The following GPC3 variants were observed in gnomAD, a reference collection of about 807,000 sequenced individuals.
The protein encoded by GPC3 is glypican-3.
GPC3 carries 3 observed loss-of-function variants against 34.4 expected under a neutral mutation model. The observed-to-expected ratio is 0.09, with a 90% CI of 0.04 to 0.23. The LOEUF (loss-of-function observed/expected upper bound fraction) is 0.23, where lower values mean the gene tolerates loss of function less well. Among genes scored for constraint, GPC3 ranks in the 10% least tolerant of loss-of-function variants. The pLI, the probability that GPC3 is intolerant of heterozygous loss-of-function variation, is 1.00. For missense variants in GPC3, 351 were observed against 445.6 expected (o/e 0.79, Z 1.91); for synonymous variants, 177 against 174.0 (o/e 1.02, Z -0.13).
intron 2 of GPC3, among the ~76,000 whole-genome samples, chrX:133,756,451 A>G (rs1603241240): frequency 1.8e-5 from 2 of 112,295 alleles, no homozygotes; most frequent in South Asian, 7.4e-4. Context: ...GTGCAGAATG[A>G]AGAGAAGGGA....
intron 6 of GPC3, among the ~76,000 whole-genome samples, chrX:133,627,157 C>A (rs1166678591): frequency 1.5e-4 from 11 of 71,614 alleles, no homozygotes; most frequent in African/African-American, 4.7e-4. Context: ...CACACTGAGG[C>A]CTGTCGCAGG....
intron 2 of GPC3, among the ~76,000 whole-genome samples, chrX:133,948,306 G>C (rs1424782973): frequency 9.0e-6 from 1 of 110,769 alleles, no homozygotes; most frequent in Non-Finnish European, 1.9e-5. Flanking sequence ...TTCTAACCAA[G>C]GTCAATTTTA....
At position 133,930,660 on chromosome X, in the gene GPC3, G is replaced by A. The variant is rs145493620; in HGVS notation, c.337+22390C>T. 4.6e-3 allele frequency among the ~76,000 whole-genome samples: 518 copies of A among 111,455 alleles called. 4 individuals carry two copies. Among genetic ancestry groups the A allele is most frequent in the Non-Finnish European group, 6.6e-3 (350 of 53,040 alleles). ...TTTTATTTTTTTTCTTTTTTGAGAC[G>A]GAGTCTCACTCTGTCACCAGGCTGG... On this transcript the variant is annotated intron_variant, in intron 2 of 7. Transcript: ENST00000370818.
chrX:133,856,542 G>T (rs1003795551), intron 2 of GPC3, among the ~76,000 whole-genome samples: 5 of 110,800 alleles, frequency 4.5e-5, no homozygotes, highest in Non-Finnish European at 7.6e-5. Flanking sequence ...ATATATTTTT[G>T]AATTTTCCAC....
Position 133,908,067 on chromosome X carries a change from G to A in GPC3, c.337+44983C>T, listed in dbSNP as rs190857391. On this transcript the variant is annotated intron_variant, in intron 2 of 7. Transcript: ENST00000370818. The stretch of plus-strand genomic sequence containing the variant: ...CCTATTTTAAAAAAATGCTCCTTTC[G>A]GAGAGATGACTTTTTAAGATTCCTG... Among the ~76,000 whole-genome samples the A allele has an allele frequency of 1.6e-3, 173 of 110,631 alleles. 2 individuals are homozygous for A. Among genetic ancestry groups the A allele is most frequent in the African/African-American group, 5.3e-3 (160 of 30,467 alleles).
chrX:133,628,885 A>C (rs2070335782), intron 6 of GPC3, among the ~76,000 whole-genome samples: 1 of 111,364 alleles, frequency 9.0e-6, no homozygotes, highest in South Asian at 3.8e-4. Context: ...TTCACAGTAA[A>C]AATTCTCTTC....
chrX:133,679,140 G>A (rs940571180), intron 5 of GPC3, among the ~76,000 whole-genome samples: 4 of 111,626 alleles, frequency 3.6e-5, no homozygotes, highest in Non-Finnish European at 7.5e-5. Flanking sequence ...AGGTGGATTT[G>A]CTTAAAATTT....
intron 2 of GPC3, among the ~76,000 whole-genome samples, chrX:133,947,776 A>G (rs2076375403): frequency 8.9e-6 from 1 of 111,987 alleles, no homozygotes; most frequent in African/African-American, 3.2e-5. Flanking sequence ...TGCTGTACAG[A>G]TGAGCGGTTT....
intron 2 of GPC3, among the ~76,000 whole-genome samples, chrX:133,920,843 A>C (rs760869520): frequency 3.6e-5 from 4 of 112,068 alleles, no homozygotes; most frequent in Non-Finnish European, 5.6e-5. Context: ...AGCTCCCCCT[A>C]ATATTAACAC....
chrX:133,562,101 T>C (rs1395201135), intron 7 of GPC3, among the ~76,000 whole-genome samples: 1 of 112,400 alleles, frequency 8.9e-6, no homozygotes, highest in Admixed American at 9.4e-5. Context: ...TTCTAAAATA[T>C]GTACATGCAC....
intron 2 of GPC3, among the ~76,000 whole-genome samples, chrX:133,798,053 C>A (rs1355275755): frequency 5.4e-5 from 6 of 111,671 alleles, no homozygotes; most frequent in African/African-American, 2.0e-4. Context: ...TCGCTTCTTA[C>A]AATGCTTCTT....
At chrX:133,842,090 G>A (rs1424129536) in intron 2 of GPC3, among the ~76,000 whole-genome samples, 1 of 111,842 alleles carries the variant, frequency 8.9e-6, no homozygotes, top group African/African-American at 3.3e-5. Context: ...ACAGAGGCGG[G>A]CAGATCACCC....
At chrX:133,669,145 C>A in intron 5 of GPC3, among the ~76,000 whole-genome samples, 1 of 111,714 alleles carries the variant, frequency 9.0e-6, no homozygotes, top group Non-Finnish European at 1.9e-5. Flanking sequence ...CAGGTCAAAG[C>A]CATTCAGTGA....
intron 2 of GPC3, among the ~76,000 whole-genome samples, chrX:133,876,839 G>T (rs185349524): frequency 2.1e-3 from 231 of 111,467 alleles, no homozygotes; most frequent in Middle Eastern, 4.6e-3. Flanking sequence ...TCTCATTCTG[G>T]AGTCTTGACA....
intron 2 of GPC3, among the ~76,000 whole-genome samples, chrX:133,844,321 G>T (rs1469626150): frequency 8.9e-6 from 1 of 112,399 alleles, no homozygotes; most frequent in African/African-American, 3.2e-5. Flanking sequence ...TAGGTGAGGT[G>T]ATTGTTGTGT....
intron 5 of GPC3, among the ~76,000 whole-genome samples, chrX:133,672,788 C>T (rs1451640448): frequency 3.0e-5 from 3 of 101,655 alleles, no homozygotes; most frequent in Non-Finnish European, 6.0e-5. Flanking sequence ...GTAGCTGGGA[C>T]TACAGGCGCC....
intron 2 of GPC3, among the ~76,000 whole-genome samples, chrX:133,907,073 C>T (rs1178097856): frequency 9.2e-6 from 1 of 108,762 alleles, no homozygotes; most frequent in African/African-American, 3.4e-5. Context: ...TGCACTCCAG[C>T]CTGGGCGACA....
chrX:133,981,658 G>A (rs2076539859), intron 1 of GPC3, among the ~76,000 whole-genome samples: 1 of 112,103 alleles, frequency 8.9e-6, no homozygotes. Context: ...TCTCTCTCTG[G>A]ACATTAGGAC....
In GPC3 at chrX:133,543,868, C is replaced by A. The variant is rs759379213; in HGVS notation, c.1574-7575G>T. ...CTGTTTAGCAGGTTATGTCTCAAAT[C>A]CTCAGGAGTAGGGATTCACTCACCC... On this transcript the variant is annotated intron_variant, in intron 7 of 7. Transcript: ENST00000370818. Among the ~76,000 whole-genome samples the A allele has an allele frequency of 2.7e-5, 3 of 112,175 alleles. No homozygotes were observed. The South Asian group carries it at 1.1e-3, about 42-fold the overall frequency.
Sources: gnomAD v4.1 joint callset for allele counts (sites outside exome capture counted in the v4.1 genomes callset) on GRCh38, gnomAD v4.1.1 for gene constraint, MANE v1.5 for transcripts, NCBI Gene and HGNC (gene_info 2026-07-23, HGNC 2026-07-21) for gene names.